Variants in PTPRT observed in about 807,000 individuals in gnomAD.
PTPRT encodes protein tyrosine phosphatase receptor type T, also known as receptor-type tyrosine-protein phosphatase T.
In PTPRT, 56 loss-of-function variants were observed where a neutral mutation model predicts 176.8. The observed-to-expected ratio is 0.32, with a 90% CI of 0.26 to 0.40. The LOEUF (loss-of-function observed/expected upper bound fraction) is 0.40. Among genes scored for constraint, PTPRT ranks in the 10% least tolerant of loss-of-function variants. The pLI, the probability that PTPRT is intolerant of heterozygous loss-of-function variation, is 1.00. For missense variants in PTPRT, 1,540 were observed against 1,908.2 expected (o/e 0.81, Z 3.60); for synonymous variants, 783 against 739.0 (o/e 1.06, Z -0.96).
At chr20:43,074,688 T>G (rs1837539646) in intron 1 of PTPRT, among the ~76,000 whole-genome samples, 1 of 152,202 alleles carries the variant, frequency 6.6e-6, no homozygotes. Context: ...CTTGGAACTT[T>G]CTAGTACTTA....
intron 18 of PTPRT, among the ~76,000 whole-genome samples, chr20:42,131,282 C>T (rs1988111479): frequency 6.6e-6 from 1 of 152,172 alleles, no homozygotes; most frequent in Non-Finnish European, 1.5e-5. Flanking sequence ...CAGCCCAGGG[C>T]ATCAAGCCTC....
intron 1 of PTPRT, among the ~76,000 whole-genome samples, chr20:43,119,624 C>G (rs564454871): frequency 6.6e-6 from 1 of 152,328 alleles, no homozygotes; most frequent in Non-Finnish European, 1.5e-5. Flanking sequence ...TGAATCCCAT[C>G]TTGGGTTGCA....
At chr20:42,165,547 T>C (rs2146521174) in intron 16 of PTPRT, among the ~76,000 whole-genome samples, 1 of 152,330 alleles carries the variant, frequency 6.6e-6, no homozygotes, top group South Asian at 2.1e-4. Context: ...CATAGTTGTG[T>C]ACCATCTATG....
intron 9 of PTPRT, among the ~76,000 whole-genome samples, chr20:42,439,377 C>A (rs1219407622): frequency 1.3e-5 from 2 of 152,164 alleles, no homozygotes; most frequent in Non-Finnish European, 2.9e-5. Context: ...ATCAGAGTTG[C>A]AAGATGCCAT....
At chr20:42,253,436 C>T (rs764064085) in intron 13 of PTPRT, among the ~76,000 whole-genome samples, 15 of 152,170 alleles carry the variant, frequency 9.9e-5, no homozygotes, top group Non-Finnish European at 1.3e-4. Flanking sequence ...CAAGCATATC[C>T]TTTCCATGAG....
chr20:43,040,740 G>A (rs1390568535), intron 1 of PTPRT, among the ~76,000 whole-genome samples: 1 of 152,150 alleles, frequency 6.6e-6, no homozygotes, highest in African/African-American at 2.4e-5. Context: ...TAAAATTGTT[G>A]AGAGCTAGAC....
At chr20:42,587,632 G>A (rs994425433) in intron 7 of PTPRT, among the ~76,000 whole-genome samples, 2 of 152,160 alleles carry the variant, frequency 1.3e-5, no homozygotes, top group Non-Finnish European at 2.9e-5. Flanking sequence ...GACTTATCCT[G>A]AGCCCTAACC....
At chr20:42,722,038 C>T (rs188281048) in intron 6 of PTPRT, among the ~76,000 whole-genome samples, 1 of 152,290 alleles carries the variant, frequency 6.6e-6, no homozygotes, top group East Asian at 1.9e-4. Context: ...TTCCCTTTCC[C>T]TTCCTTGCAG....
intron 1 of PTPRT, among the ~76,000 whole-genome samples, chr20:42,894,787 G>C (rs2145897715): frequency 6.6e-6 from 1 of 152,302 alleles, no homozygotes; most frequent in East Asian, 1.9e-4. Context: ...ATGCCAATCT[G>C]CACTTCTGGA....
At chr20:42,607,205 G>A (rs924442515) in intron 7 of PTPRT, among the ~76,000 whole-genome samples, 5 of 152,106 alleles carry the variant, frequency 3.3e-5, no homozygotes, top group African/African-American at 1.2e-4. Context: ...GAAATGAAGA[G>A]TTCGTATTTA....
At chr20:42,166,236 AC>A (rs1989819126) in intron 16 of PTPRT, among the ~76,000 whole-genome samples, 2 of 152,146 alleles carry the variant, frequency 1.3e-5, no homozygotes, top group African/African-American at 4.8e-5. Context: ...ATAAAAAGAC[AC>A]TGATCCAGTG....
intron 1 of PTPRT, among the ~76,000 whole-genome samples, chr20:42,995,463 T>C (rs577562956): frequency 2.2e-4 from 33 of 152,082 alleles, no homozygotes; most frequent in African/African-American, 8.0e-4. Context: ...CACACCCAAT[T>C]TAGGCATCCA....
At chr20:43,109,304 A>T (rs988889053) in intron 1 of PTPRT, among the ~76,000 whole-genome samples, 3 of 152,174 alleles carry the variant, frequency 2.0e-5, no homozygotes, top group Non-Finnish European at 4.4e-5. Context: ...TTTAGGGCTG[A>T]GTCCTCTTGC....
rs1000044794 is a variant in PTPRT at position 42,817,978 on chromosome 20, A to G, written c.215-26512T>C. 9.9e-5 allele frequency among the ~76,000 whole-genome samples: 15 copies of G among 152,284 alleles called. 2 individuals carry two copies. The highest frequency in any genetic ancestry group is 8.5e-4 in the Admixed American group (13 of 15,308). On this transcript the variant is annotated intron_variant, in intron 2 of 30. Coordinates refer to ENST00000373187, the MANE Select transcript of PTPRT (RefSeq NM_007050.6). ...AGGAATCCAGGCAGCCCAGACAAGT[A>G]GGTTTCCCCCCAGCAAAGCACACCC...
rs533853223 is a variant in PTPRT, at chr20:43,070,825, T to C, written c.88+118821A>G. Among the ~76,000 whole-genome samples, 21 of 150,416 alleles carry C rather than the reference T, an allele frequency of 1.4e-4. 1 individual carries two copies. In the South Asian group the frequency reaches 2.8e-3, roughly 20 times the overall value. ...GAACATCACACACTGGGGCCTGTTG[T>C]GGGGTGGGGGGAAGGAAAGCATTAG... On this transcript the variant is annotated intron_variant, in intron 1 of 30. Transcript: ENST00000373187.
intron 7 of PTPRT, among the ~76,000 whole-genome samples, chr20:42,520,841 G>GTAGATAGA (rs57774363): frequency 0.03 from 4,249 of 143,870 alleles, 81 homozygotes; most frequent in East Asian, 0.06. Flanking sequence ...GGGTGTGTGT[G>GTAGATAGA]TAGATAGATA....
intron 29 of PTPRT, among the ~76,000 whole-genome samples, chr20:42,083,856 T>C (rs1410261669): frequency 1.3e-5 from 2 of 152,266 alleles, no homozygotes; most frequent in East Asian, 1.9e-4. Context: ...ATAGCTGTTA[T>C]GGCTGCAGAT....
intron 17 of PTPRT, among the ~76,000 whole-genome samples, chr20:42,155,936 T>C (rs1391074925): frequency 6.6e-6 from 1 of 152,178 alleles, no homozygotes; most frequent in Non-Finnish European, 1.5e-5. Flanking sequence ...TTGATTACAA[T>C]CCAAAGTCAT....
intron 7 of PTPRT, among the ~76,000 whole-genome samples, chr20:42,641,811 G>A (rs1402718799): frequency 6.6e-6 from 1 of 152,110 alleles, no homozygotes; most frequent in Non-Finnish European, 1.5e-5. Context: ...TCCATGCCCA[G>A]GCAAGACCTG....
Sources: allele counts gnomAD v4.1 joint callset (sites outside exome capture counted in the v4.1 genomes callset), GRCh38; gene constraint gnomAD v4.1.1; transcripts MANE v1.5; gene names NCBI Gene and HGNC (gene_info 2026-07-23, HGNC 2026-07-21).